Variants in EIF2S2 observed in about 807,000 individuals in gnomAD.
The protein encoded by EIF2S2 is eukaryotic translation initiation factor 2 subunit 2.
Under a neutral mutation model 44.0 loss-of-function variants are expected in EIF2S2, and 4 were observed. That is an observed-to-expected ratio of 0.09 (90% CI 0.04 to 0.21). EIF2S2 has a LOEUF of 0.21. Ranked by LOEUF, EIF2S2 falls within the 10% of genes least tolerant of loss-of-function variation. The pLI is 1.00. For synonymous variants in EIF2S2, 108 were observed against 128.3 expected, an observed-to-expected ratio of 0.84 and a Z score of 1.07; for missense variants, 154 against 392.0, an observed-to-expected ratio of 0.39 and a Z score of 5.13.
At chr20:34,104,362 G>A (rs187217666) in intron 2 of EIF2S2, among the ~76,000 whole-genome samples, 202 of 152,196 alleles carry the variant, frequency 1.3e-3, no homozygotes, top group African/African-American at 4.7e-3. Context: ...CCTTCTCTAA[G>A]CTTATCCATC....
chr20:34,091,955 A>G (rs898045197), intron 7 of EIF2S2, among the ~76,000 whole-genome samples: 10 of 152,220 alleles, frequency 6.6e-5, no homozygotes, highest in African/African-American at 2.4e-4. Context: ...CACAAGCCAC[A>G]AACTGTCAAT....
At chr20:34,092,813 T>G (rs1458583782) in intron 7 of EIF2S2, among the ~76,000 whole-genome samples, 1 of 152,166 alleles carries the variant, frequency 6.6e-6, no homozygotes, top group Non-Finnish European at 1.5e-5. Flanking sequence ...AACACCTTAA[T>G]TATCTCTGTA....
At chr20:34,091,974 A>G (rs2034171265) in intron 7 of EIF2S2, among the ~76,000 whole-genome samples, 1 of 152,226 alleles carries the variant, frequency 6.6e-6, no homozygotes, top group Non-Finnish European at 1.5e-5. Flanking sequence ...ATGGTACTTA[A>G]TGATAAACTG....
At chr20:34,100,386 G>A (rs2034281705) in intron 3 of EIF2S2, among the ~76,000 whole-genome samples, 1 of 152,114 alleles carries the variant, frequency 6.6e-6, no homozygotes, top group South Asian at 2.1e-4. Flanking sequence ...GGTGGCAGGG[G>A]GACCACTGAA....
intron 2 of EIF2S2, 139 bp from the exon 3 acceptor site, chr20:34,103,704 A>T: frequency 1.6e-6 from 2 of 1,236,818 alleles, no homozygotes; most frequent in East Asian, 4.0e-5. Flanking sequence ...CACAAAACTT[A>T]TGGTTCTTTT....
intron 3 of EIF2S2, among the ~76,000 whole-genome samples, chr20:34,100,691 G>A (rs1397912746): frequency 1.3e-5 from 2 of 152,108 alleles, no homozygotes; most frequent in African/African-American, 4.8e-5. Flanking sequence ...CCAGTCTGTG[G>A]CGTGGTCTTT....
At chr20:34,103,000 C>G (rs2034310761) in intron 3 of EIF2S2, among the ~76,000 whole-genome samples, 2 of 152,182 alleles carry the variant, frequency 1.3e-5, no homozygotes. Context: ...ATAAAACTAG[C>G]CTGAGTGCTC....
rs1284437495 is a variant in EIF2S2 at position 34,096,719 on chromosome 20, T to C, written c.621A>G (p.Pro207=). The C allele has an allele frequency of 1.9e-6, 3 of 1,611,638 alleles. No individual in the cohort carries two copies. The highest frequency in any genetic ancestry group is 2.5e-6 in the Non-Finnish European group (3 of 1,179,716). Residue 207 remains proline (P), a synonymous_variant, in exon 6 of 9, where the codon CCA becomes CCG. Transcript: ENST00000374980. ...TCTTGGTTCCTACTCGGACGACTTG[T>C]GGAGGTTTCATGACAAATTTCCTTT... ...GEKRKFVMKP[P]QVVRVGTKKT...
chr20:34,108,993 A>G (rs2034380064), intron 1 of EIF2S2, among the ~76,000 whole-genome samples: 1 of 149,984 alleles, frequency 6.7e-6, no homozygotes, highest in Non-Finnish European at 1.5e-5. Flanking sequence ...GCTGAAATGT[A>G]GTGACTACTC....
intron 2 of EIF2S2, 145 bp from the exon 3 acceptor site, chr20:34,103,710 CT>C (rs869170048): frequency 0.19 from 164,306 of 881,532 alleles, 1 homozygote; most frequent in South Asian, 0.25. Context: ...ACTTATGGTT[CT>C]TTTTTTTTTT....
At chr20:34,107,264 A>G (rs1233392848) in intron 1 of EIF2S2, among the ~76,000 whole-genome samples, 1 of 152,152 alleles carries the variant, frequency 6.6e-6, no homozygotes, top group Non-Finnish European at 1.5e-5. Flanking sequence ...CCCCTTACCA[A>G]TCTCTCTCCA....
chr20:34,095,069 G>A (rs1400209458), intron 6 of EIF2S2, among the ~76,000 whole-genome samples: 2 of 152,206 alleles, frequency 1.3e-5, no homozygotes, highest in African/African-American at 4.8e-5. Flanking sequence ...GTATAAAGAT[G>A]TTCGGTGAAG....
intron 6 of EIF2S2, among the ~76,000 whole-genome samples, chr20:34,094,202 C>T (rs912085867): frequency 2.0e-5 from 3 of 152,308 alleles, no homozygotes; most frequent in South Asian, 2.1e-4. Flanking sequence ...CTTGTTTACA[C>T]TTCAATGCCC....
intron 7 of EIF2S2, among the ~76,000 whole-genome samples, 179 bp from the exon 8 acceptor site, chr20:34,090,781 C>T (rs1282754116): frequency 6.6e-6 from 1 of 152,206 alleles, no homozygotes; most frequent in Non-Finnish European, 1.5e-5. Context: ...GGGTCTCACA[C>T]TCTGTCGCCC....
chr20:34,090,044 G>C, intron 8 of EIF2S2, 139 bp from the exon 9 acceptor site: 1 of 858,792 alleles, frequency 1.2e-6, no homozygotes, highest in Non-Finnish European at 1.8e-6. Flanking sequence ...GGGAAGCGCA[G>C]CTATTCGAGG....
At chr20:34,105,818 T>C (rs1351495038) in intron 1 of EIF2S2, among the ~76,000 whole-genome samples, 2 of 152,200 alleles carry the variant, frequency 1.3e-5, no homozygotes, top group Non-Finnish European at 2.9e-5. Flanking sequence ...ATTTGGACAT[T>C]TGAATGAATC....
At chr20:34,089,956 G>C (rs1222898139) in intron 8 of EIF2S2, 51 bp from the exon 9 acceptor site, 1 of 1,590,088 alleles carries the variant, frequency 6.3e-7, no homozygotes, top group South Asian at 1.1e-5. Flanking sequence ...GTGAGGTAGA[G>C]AAGTTTCTGC....
At chr20:34,106,209 C>A (rs113539389) in intron 1 of EIF2S2, among the ~76,000 whole-genome samples, 1 of 152,026 alleles carries the variant, frequency 6.6e-6, no homozygotes, top group Non-Finnish European at 1.5e-5. Flanking sequence ...TGTAAGCCAC[C>A]GCACCTGGCC....
rs1269012352 is a variant in EIF2S2 at position 34,097,485 on chromosome 20, A to G, written c.465T>C (p.Asp155=). 1 of 1,613,652 alleles carries G rather than the reference A, an allele frequency of 6.2e-7. No individual in the cohort carries two copies. Among genetic ancestry groups the G allele is most frequent in the Non-Finnish European group, 8.5e-7 (1 of 1,179,956 alleles). The change falls in exon 5 of 9, where the codon GAT becomes GAC. Residue 155 remains aspartate, a synonymous_variant. Transcript: ENST00000374980. ...ALEDEDNKKD[D]GISFSNQTGP... ...CTGTCTGATTACTGAATGAGATACC[A>G]TCATCTTTTTTGTTGTCTTCATCTT... is the stretch of plus-strand genomic sequence containing the variant.
Sources: allele counts gnomAD v4.1 joint callset (sites outside exome capture counted in the v4.1 genomes callset), GRCh38; gene constraint gnomAD v4.1.1; transcripts MANE v1.5; gene names NCBI Gene and HGNC (gene_info 2026-07-23, HGNC 2026-07-21).